Variants in DNMT3B observed in about 807,000 individuals in gnomAD.
The protein encoded by DNMT3B is DNA methyltransferase 3 beta.
Under a neutral mutation model 120.2 loss-of-function variants are expected in DNMT3B, and 37 were observed. The observed-to-expected ratio is 0.31, with a 90% CI of 0.24 to 0.40. The LOEUF is 0.40. Ranked by LOEUF, DNMT3B falls within the 10% of genes least tolerant of loss-of-function variation. The pLI, the probability that DNMT3B is intolerant of heterozygous loss-of-function variation, is 1.00. For missense variants in DNMT3B, 878 were observed against 1,137.3 expected, an observed-to-expected ratio of 0.77 and a Z score of 3.28; for synonymous variants, 412 against 442.8, an observed-to-expected ratio of 0.93 and a Z score of 0.87.
rs761609426 is a variant in DNMT3B at position 32,795,503 on chromosome 20, C to T, written c.1221C>T (p.Gly407=). The T allele has an allele frequency of 1.4e-5, 23 of 1,614,166 alleles. No individual in the cohort carries two copies. Among genetic ancestry groups the T allele is most frequent in the Non-Finnish European group, 1.9e-5 (23 of 1,180,044 alleles). Residue 407 remains glycine, a synonymous_variant, in exon 11 of 23, where the codon GGC becomes GGT. Coordinates refer to ENST00000328111, the MANE Select transcript of DNMT3B (RefSeq NM_006892.4). ...KRLKTNCYNN[G]KDRGDEDQSR... The stretch of plus-strand genomic sequence containing the variant: ...TCAAGACAAATTGCTATAACAACGG[C>T]AAAGACCGAGGGGATGAAGATCAGA...
chr20:32,788,455 T>C (rs1329136283), intron 6 of DNMT3B, among the ~76,000 whole-genome samples: 1 of 152,194 alleles, frequency 6.6e-6, no homozygotes, highest in Non-Finnish European at 1.5e-5. Context: ...GATCCCTTTT[T>C]TCTATGTCCA....
chr20:32,768,270 A>G (rs1373253968), intron 1 of DNMT3B, among the ~76,000 whole-genome samples: 1 of 134,386 alleles, frequency 7.4e-6, no homozygotes, highest in Non-Finnish European at 1.5e-5. Flanking sequence ...ATCTCGGCTC[A>G]CCACAACCCC....
At chr20:32,783,274 TGGGC>T (rs1311896606) in intron 3 of DNMT3B, among the ~76,000 whole-genome samples, 18 of 152,290 alleles carry the variant, frequency 1.2e-4, no homozygotes, top group Admixed American at 1.1e-3. Flanking sequence ...TAGGATTAGG[TGGGC>T]TCAAGGAATT....
intron 1 of DNMT3B, among the ~76,000 whole-genome samples, chr20:32,771,326 C>G (rs1341050625): frequency 6.6e-6 from 1 of 152,090 alleles, no homozygotes; most frequent in Admixed American, 6.6e-5. Context: ...CAGGCTTGCT[C>G]TAGCAGTTGT....
intron 19 of DNMT3B, among the ~76,000 whole-genome samples, chr20:32,801,742 G>T (rs1373717482): frequency 1.3e-5 from 2 of 152,018 alleles, no homozygotes; most frequent in Non-Finnish European, 2.9e-5. Flanking sequence ...ACACCACCGT[G>T]CCCAGCCAAT....
intron 1 of DNMT3B, among the ~76,000 whole-genome samples, chr20:32,769,841 AATTCAAGCAGGAACCATAC>A (rs1987613110): frequency 6.6e-6 from 1 of 152,078 alleles, no homozygotes; most frequent in African/African-American, 2.4e-5. Flanking sequence ...CCGCCTCCTG[AATTCAAGCAGGAACCATAC>A]ATTATATAGC....
intron 6 of DNMT3B, among the ~76,000 whole-genome samples, chr20:32,788,158 G>A (rs1199025826): frequency 2.6e-5 from 4 of 152,150 alleles, no homozygotes; most frequent in African/African-American, 4.8e-5. Context: ...CAGGGGATGC[G>A]TGCAAGTCAC....
intron 1 of DNMT3B, among the ~76,000 whole-genome samples, chr20:32,768,041 C>T (rs1176400624): frequency 6.6e-6 from 1 of 152,026 alleles, no homozygotes; most frequent in East Asian, 1.9e-4. Flanking sequence ...AGCATGGCAA[C>T]ATGGCTCACT....
intron 3 of DNMT3B, among the ~76,000 whole-genome samples, chr20:32,782,277 T>C (rs1306705956): frequency 3.3e-5 from 5 of 152,194 alleles, no homozygotes; most frequent in Non-Finnish European, 7.3e-5. Flanking sequence ...CAGGGAGCAT[T>C]GAGCCTATAG....
intron 20 of DNMT3B, 140 bp downstream of exon 20, chr20:32,802,610 C>T (rs1250678481): frequency 1.3e-5 from 11 of 855,782 alleles, no homozygotes; most frequent in South Asian, 5.6e-5. Context: ...TGTGGTCGTG[C>T]GGGTTGATCT....
At chr20:32,796,709 T>C in intron 12 of DNMT3B, 81 bp from the exon 13 acceptor site, 3 of 1,503,682 alleles carry the variant, frequency 2.0e-6, no homozygotes, top group Non-Finnish European at 2.8e-6. Context: ...AGGGAAATCT[T>C]AGGAACTGAG....
At position 32,795,684 on chromosome 20, in the gene DNMT3B, C is replaced by T; in HGVS notation, c.1287C>T (p.Ser429=). ...QMASDVANNK[S]SLEDGCLSCG... is the part of the protein sequence containing the mutation. ...CTTCAGATGTTGCCAACAACAAGAG[C>T]AGCCTGGAAGGTAACGTTCTCTCCC... is the stretch of plus-strand genomic sequence containing the variant. The change falls in exon 12 of 23, where the codon AGC becomes AGT. Residue 429 remains serine, a synonymous_variant. Coordinates refer to ENST00000328111, the MANE Select transcript of DNMT3B (RefSeq NM_006892.4). 1 of 1,614,162 alleles carries T rather than the reference C, an allele frequency of 6.2e-7. No homozygotes were observed.
In DNMT3B at chr20:32,802,438, A is replaced by G. The variant is rs373742938; in HGVS notation, c.2199A>G (p.Arg733=). The G allele has an allele frequency of 1.2e-5, 19 of 1,614,036 alleles. No homozygotes were observed. The highest frequency in any genetic ancestry group is 1.3e-5 in the Non-Finnish European group (15 of 1,180,042). Residue 733 remains arginine, a synonymous_variant, in exon 20 of 23, where the codon CGA becomes CGG. Coordinates refer to ENST00000328111, the MANE Select transcript of DNMT3B (RefSeq NM_006892.4). The part of the protein sequence containing the change: ...AIKVSAAHRA[R]YFWGNLPGMN... The stretch of plus-strand genomic sequence containing the variant: ...AAGTTTCTGCTGCTCACAGGGCCCG[A>G]TACTTCTGGGGCAACCTACCCGGGA...
rs534958197 is a variant in DNMT3B at position 32,779,929 on chromosome 20, G to A, written c.-6-389G>A. On this transcript the variant is annotated intron_variant, in intron 1 of 22. Coordinates refer to ENST00000328111, the MANE Select transcript of DNMT3B (RefSeq NM_006892.4). ...CTGAGCCCCTGCAGAGGCTGAGCAG[G>A]GAGAGGGGGCCAGGGCCAGAGGGGA... 58 of 706,736 alleles carry A rather than the reference G, an allele frequency of 8.2e-5. No homozygotes were observed. In the South Asian group the frequency reaches 9.6e-4, roughly 12 times the overall value. 43.8% of individuals were successfully genotyped at this position (706,736 alleles called of 1,614,324 possible).
In DNMT3B at chr20:32,786,282, C is replaced by T. The variant is rs556991995; in HGVS notation, c.307-220C>T. Among the ~76,000 whole-genome samples the T allele has an allele frequency of 3.9e-5, 6 of 152,346 alleles. No individual in the cohort carries two copies. In the South Asian group the frequency reaches 1.0e-3, roughly 26 times the overall value. ...CAGAGCAGGACCTGCTGGGAATTGT[C>T]GGGCATCCTAGCTGGCCACCCTACC... On this transcript the variant is annotated intron_variant, in intron 4 of 22. Coordinates refer to ENST00000328111, the MANE Select transcript of DNMT3B (RefSeq NM_006892.4).
At chr20:32,805,829 G>A (rs756606416) in intron 21 of DNMT3B, among the ~76,000 whole-genome samples, 23 of 151,592 alleles carry the variant, frequency 1.5e-4, no homozygotes, top group African/African-American at 5.1e-4. Flanking sequence ...CTGTATCTGG[G>A]TGGTTTTTAC....
At chr20:32,790,159 T>C (rs997321703) in intron 7 of DNMT3B, among the ~76,000 whole-genome samples, 3 of 152,140 alleles carry the variant, frequency 2.0e-5, no homozygotes, top group Non-Finnish European at 4.4e-5. Flanking sequence ...GCTACAATAA[T>C]ATATTGGGTG....
At chr20:32,787,488 G>C (rs2145950872) in intron 6 of DNMT3B, 37 bp downstream of exon 6, 1 of 1,598,472 alleles carries the variant, frequency 6.3e-7, no homozygotes, top group Non-Finnish European at 8.5e-7. Context: ...GGGTGACTGA[G>C]GACCCTGAAC....
chr20:32,791,633 G>A lies in DNMT3B; in HGVS notation c.846G>A (p.Leu282=). 6.2e-7 allele frequency: 1 copy of A among 1,614,126 alleles called. No homozygotes were observed. The highest frequency in any genetic ancestry group is 8.5e-7 in the Non-Finnish European group (1 of 1,180,002). ...CAGACAAACTGGTGGCACTGGGGCT[G>A]TTCAGCCAGCACTTTAATTTGGCCA... is the stretch of plus-strand genomic sequence containing the variant. ...VSADKLVALG[L]FSQHFNLATF... The change falls in exon 8 of 23, where the codon CTG becomes CTA. Residue 282 remains leucine (L), a synonymous_variant. Transcript: ENST00000328111.
Sources: gnomAD v4.1 joint callset for allele counts (sites outside exome capture counted in the v4.1 genomes callset) on GRCh38, gnomAD v4.1.1 for gene constraint, MANE v1.5 for transcripts, NCBI Gene and HGNC (gene_info 2026-07-23, HGNC 2026-07-21) for gene names.